The following KLF8 variants were observed in gnomAD, a reference collection of about 807,000 sequenced individuals.
KLF8 encodes KLF transcription factor 8.
Under a neutral mutation model 18.2 loss-of-function variants are expected in KLF8, and 10 were observed. That is an observed-to-expected ratio of 0.55 (90% CI 0.34 to 0.93). KLF8 has a LOEUF of 0.93. Ranked by LOEUF, KLF8 falls within the 40% of genes least tolerant of loss-of-function variation. The pLI, the probability that KLF8 is intolerant of heterozygous loss-of-function variation, is 0.02. For missense variants in KLF8, 264 were observed against 277.9 expected, an observed-to-expected ratio of 0.95 and a Z score of 0.36; for synonymous variants, 109 against 97.3, an observed-to-expected ratio of 1.12 and a Z score of -0.71.
chrX:56,091,497 A>T, the KLF8 span, among the ~76,000 whole-genome samples: 2 of 110,549 alleles, frequency 1.8e-5, no homozygotes, highest in South Asian at 3.9e-4. Flanking sequence ...TTTTGATATA[A>T]TTATTTATTT....
chrX:56,243,299 G>A, intron 1 of KLF8: 1 of 387,477 alleles, frequency 2.6e-6, no homozygotes, highest in Non-Finnish European at 4.8e-6. Context: ...CTTCTTTTTT[G>A]TGTGTGTGGT....
At chrX:56,090,414 C>T in the KLF8 span, among the ~76,000 whole-genome samples, 9 of 111,348 alleles carry the variant, frequency 8.1e-5, 1 homozygote, top group East Asian at 2.8e-4. Context: ...ACATGCAATA[C>T]GAAGACACAG....
the KLF8 span, among the ~76,000 whole-genome samples, chrX:56,172,237 C>T: frequency 4.5e-5 from 5 of 110,618 alleles, no homozygotes; most frequent in Admixed American, 3.9e-4. Context: ...AGGTATATCT[C>T]CTAATGCTAT....
chrX:56,145,053 A>T, the KLF8 span, among the ~76,000 whole-genome samples: 1 of 110,831 alleles, frequency 9.0e-6, no homozygotes, highest in African/African-American at 3.3e-5. Context: ...TTGACATCCC[A>T]AAGTCCTGGG....
At chrX:56,209,393 C>T in the KLF8 span, among the ~76,000 whole-genome samples, 1 of 111,055 alleles carries the variant, frequency 9.0e-6, no homozygotes, top group Non-Finnish European at 1.9e-5. Flanking sequence ...CCATGGGTCT[C>T]GTTTTTTCAT....
intron 3 of KLF8, chrX:56,268,828 C>T: frequency 1.2e-6 from 1 of 820,527 alleles, no homozygotes; most frequent in Non-Finnish European, 1.5e-6. Flanking sequence ...ACAGCTTCTC[C>T]CAACATAGGT....
the KLF8 span, among the ~76,000 whole-genome samples, chrX:56,160,581 G>A: frequency 1.8e-5 from 2 of 111,262 alleles, no homozygotes; most frequent in Non-Finnish European, 3.8e-5. Flanking sequence ...TCCTGTATTG[G>A]GTGCATATAT....
chrX:56,124,697 G>A, the KLF8 span, among the ~76,000 whole-genome samples: 1 of 111,590 alleles, frequency 9.0e-6, no homozygotes, highest in Non-Finnish European at 1.9e-5. Flanking sequence ...GTCATTCTGG[G>A]TAAAGAAGGG....
the KLF8 span, among the ~76,000 whole-genome samples, chrX:56,105,096 G>C: frequency 1.8e-5 from 2 of 111,655 alleles, no homozygotes; most frequent in African/African-American, 6.5e-5. Context: ...GTTGTGATTT[G>C]TGTTCTTTTA....
chrX:55,962,437 C>A, the KLF8 span: 4 of 241,691 alleles, frequency 1.7e-5, no homozygotes, highest in Admixed American at 5.0e-5. Flanking sequence ...TCACCTTCAG[C>A]AACATGGGCT....
At chrX:55,996,864 G>T in the KLF8 span, among the ~76,000 whole-genome samples, 1 of 112,197 alleles carries the variant, frequency 8.9e-6, no homozygotes, top group Non-Finnish European at 1.9e-5. Flanking sequence ...GGCAGGGTCC[G>T]TGCATACATG....
the KLF8 span, among the ~76,000 whole-genome samples, chrX:55,979,069 T>C: frequency 2.4e-5 from 2 of 81,710 alleles, no homozygotes; most frequent in Non-Finnish European, 4.9e-5. Flanking sequence ...ATCAGTTCCA[T>C]AAATCTGAAG....
the KLF8 span, among the ~76,000 whole-genome samples, chrX:56,032,076 C>CCTGGTTTTGGGT: frequency 9.0e-6 from 1 of 111,076 alleles, no homozygotes; most frequent in South Asian, 3.9e-4. Context: ...AAGGCCCAGA[C>CCTGGTTTTGGGT]CTGGTTTTGG....
the KLF8 span, among the ~76,000 whole-genome samples, chrX:56,105,908 G>A: frequency 9.0e-6 from 1 of 111,269 alleles, no homozygotes; most frequent in Non-Finnish European, 1.9e-5. Context: ...TGTAAGGCAG[G>A]CCTGGTGGTG....
chrX:56,273,998 C>T (rs972639048), intron 5 of KLF8, among the ~76,000 whole-genome samples: 5 of 112,193 alleles, frequency 4.5e-5, no homozygotes, highest in African/African-American at 1.6e-4. Flanking sequence ...GTGCAGATAT[C>T]TCATTGATAT....
chrX:56,127,110 G>T, the KLF8 span, among the ~76,000 whole-genome samples: 1 of 110,673 alleles, frequency 9.0e-6, no homozygotes, highest in African/African-American at 3.3e-5. Flanking sequence ...CTCCCAGAGA[G>T]ACCTGTGTAA....
At chrX:56,030,409 G>T in the KLF8 span, among the ~76,000 whole-genome samples, 126 of 111,733 alleles carry the variant, frequency 1.1e-3, no homozygotes, top group East Asian at 0.019. Context: ...AGTAGCTGGT[G>T]GGAATCAGCC....
the KLF8 span, among the ~76,000 whole-genome samples, chrX:56,156,572 C>CT: frequency 3.0e-4 from 32 of 106,304 alleles, no homozygotes; most frequent in African/African-American, 4.8e-4. Flanking sequence ...TGATCTTGTT[C>CT]TTTTTTTTTT....
At chrX:56,153,320 G>A in the KLF8 span, among the ~76,000 whole-genome samples, 6 of 108,988 alleles carry the variant, frequency 5.5e-5, no homozygotes, top group African/African-American at 1.0e-4. Context: ...GCACCACTGC[G>A]CTCTTGCATG....
Sources: allele counts gnomAD v4.1 joint callset (sites outside exome capture counted in the v4.1 genomes callset), GRCh38; gene constraint gnomAD v4.1.1; transcripts MANE v1.5; gene names NCBI Gene and HGNC (gene_info 2026-07-23, HGNC 2026-07-21).